Variants in CIRSR observed in about 807,000 individuals in gnomAD.
CIRSR encodes the protein corepressor of RBPJ and splicing regulator.
At chr2:174,349,994 T>C in the CIRSR span, among the ~76,000 whole-genome samples, 1 of 152,194 alleles carries the variant, frequency 6.6e-6, no homozygotes, top group African/African-American at 2.4e-5. Context: ...TTTTATAAAA[T>C]AATATAGTTA....
At chr2:174,381,092 ATATT>A in the CIRSR span, among the ~76,000 whole-genome samples, 4 of 152,240 alleles carry the variant, frequency 2.6e-5, no homozygotes, top group East Asian at 1.9e-4. Flanking sequence ...AATGCATTAA[ATATT>A]TAGTAAGAAG....
the CIRSR span, chr2:174,351,755 T>C: frequency 6.4e-7 from 1 of 1,568,342 alleles, no homozygotes; most frequent in South Asian, 1.1e-5. Context: ...TTTGAATGTA[T>C]CATTTATATC....
chr2:174,386,716 C>A, the CIRSR span, among the ~76,000 whole-genome samples: 17 of 152,204 alleles, frequency 1.1e-4, no homozygotes, highest in Non-Finnish European at 2.5e-4. Context: ...CAGTTGAGAA[C>A]CACCTATCTA....
the CIRSR span, chr2:174,381,687 C>T: frequency 1.7e-5 from 26 of 1,554,532 alleles, no homozygotes; most frequent in South Asian, 7.2e-5. Context: ...AAAAAAGAAA[C>T]GGAAGAAGAT....
chr2:174,358,147 A>G, the CIRSR span: 2 of 152,252 alleles, frequency 1.3e-5, no homozygotes, highest in Non-Finnish European at 2.9e-5. Flanking sequence ...ACACAAAGGC[A>G]AAGAAATATG....
the CIRSR span, chr2:174,348,911 A>G: frequency 6.2e-7 from 1 of 1,614,054 alleles, no homozygotes; most frequent in Non-Finnish European, 8.5e-7. Context: ...TTCTCTTCTT[A>G]GACTTGTCCT....
chr2:174,393,441 C>A, the CIRSR span, among the ~76,000 whole-genome samples: 1 of 151,970 alleles, frequency 6.6e-6, no homozygotes, highest in Non-Finnish European at 1.5e-5. Flanking sequence ...AAACTGAAAA[C>A]AAACAAGGAA....
At chr2:174,378,796 T>G in the CIRSR span, 23 of 754,696 alleles carry the variant, frequency 3.0e-5, no homozygotes, top group African/African-American at 2.4e-4. Flanking sequence ...ATGGTCTTAG[T>G]CAAAAACAAA....
the CIRSR span, among the ~76,000 whole-genome samples, chr2:174,354,417 AATAT>A: frequency 3.6e-5 from 3 of 82,410 alleles, no homozygotes; most frequent in Non-Finnish European, 2.2e-5. Context: ...TATTATATAT[AATAT>A]ATATTATATG....
At chr2:174,375,584 T>G in the CIRSR span, among the ~76,000 whole-genome samples, 2 of 152,130 alleles carry the variant, frequency 1.3e-5, no homozygotes, top group Admixed American at 6.6e-5. Context: ...CCCTCCAGTC[T>G]GGGCAACAGG....
the CIRSR span, among the ~76,000 whole-genome samples, chr2:174,354,424 ATTATATG>A: frequency 3.1e-5 from 2 of 65,530 alleles, no homozygotes; most frequent in African/African-American, 5.2e-5. Context: ...TATAATATAT[ATTATATG>A]ATATATATAA....
the CIRSR span, among the ~76,000 whole-genome samples, chr2:174,395,250 C>A: frequency 4.6e-5 from 7 of 152,160 alleles, no homozygotes; most frequent in South Asian, 1.0e-3. Flanking sequence ...AGACAAAAAA[C>A]CAGAATCAGC....
chr2:174,386,813 T>C, the CIRSR span, among the ~76,000 whole-genome samples: 1 of 152,236 alleles, frequency 6.6e-6, no homozygotes, highest in South Asian at 2.1e-4. Context: ...TTATTTCCTA[T>C]ACTAACATGC....
the CIRSR span, chr2:174,380,281 T>C: frequency 4.0e-6 from 6 of 1,485,778 alleles, no homozygotes; most frequent in African/African-American, 5.7e-5. Context: ...ACAAACACAA[T>C]ATTAAGAATA....
chr2:174,383,636 C>A, the CIRSR span, among the ~76,000 whole-genome samples: 2 of 148,874 alleles, frequency 1.3e-5, no homozygotes, highest in African/African-American at 4.9e-5. Flanking sequence ...ACAAAAATCG[C>A]TTGAACCTCG....
chr2:174,350,859 A>G, the CIRSR span: 1 of 756,880 alleles, frequency 1.3e-6, no homozygotes, highest in Middle Eastern at 3.9e-4. Flanking sequence ...GTAGATGAAT[A>G]TGATATTTTG....
chr2:174,374,535 A>T, the CIRSR span, among the ~76,000 whole-genome samples: 1 of 140,290 alleles, frequency 7.1e-6, no homozygotes. Context: ...CAATTATTTC[A>T]AAAAGTAAGC....
chr2:174,370,879 C>G, the CIRSR span, among the ~76,000 whole-genome samples: 1 of 149,978 alleles, frequency 6.7e-6, no homozygotes, highest in South Asian at 2.1e-4. Flanking sequence ...CCACTGCAAT[C>G]CATCCTGGGT....
the CIRSR span, chr2:174,387,406 G>A: frequency 3.7e-6 from 1 of 267,520 alleles, no homozygotes; most frequent in South Asian, 5.6e-5. Flanking sequence ...AGCAGTTCAA[G>A]TGTAGACATG....
Sources: allele counts gnomAD v4.1 joint callset (sites outside exome capture counted in the v4.1 genomes callset), GRCh38; gene constraint gnomAD v4.1.1; transcripts MANE v1.5; gene names NCBI Gene and HGNC (gene_info 2026-07-23, HGNC 2026-07-21).